The following GPI variants were observed in gnomAD, a reference collection of about 807,000 sequenced individuals.
The protein encoded by GPI is D-hexose-6-phosphate anomerase.
A neutral mutation model predicts 75.8 loss-of-function variants in GPI; 56 were observed. That is an observed-to-expected ratio of 0.74 (90% CI 0.60 to 0.92). GPI has a LOEUF of 0.92. Among genes scored for constraint, GPI ranks in the 40% least tolerant of loss-of-function variants. The pLI, the probability that GPI is intolerant of heterozygous loss-of-function variation, is 0.00. For missense variants in GPI, 638 were observed against 741.0 expected (o/e 0.86, Z 1.61); for synonymous variants, 288 against 285.4 (o/e 1.01, Z -0.09).
At chr19:34,368,030 C>T (rs1327541241) in intron 3 of GPI, among the ~76,000 whole-genome samples, 1 of 152,230 alleles carries the variant, frequency 6.6e-6, no homozygotes, top group Non-Finnish European at 1.5e-5. Flanking sequence ...AGGCGATTCT[C>T]TGCCTCAGAT....
intron 9 of GPI, among the ~76,000 whole-genome samples, chr19:34,390,679 C>T (rs1180331771): frequency 1.3e-5 from 2 of 150,414 alleles, no homozygotes; most frequent in Admixed American, 1.3e-4. Context: ...TCTGGGTCTT[C>T]CTGTGTCTGA....
In GPI at chr19:34,368,661, G is replaced by T; in HGVS notation, c.361G>T (p.Glu121Ter). 1 of 1,614,228 alleles carries T rather than the reference G, an allele frequency of 6.2e-7. No individual in the cohort carries two copies. Among genetic ancestry groups the T allele is most frequent in the South Asian group, 1.1e-5 (1 of 91,076 alleles). Residue 121 changes from glutamate (E) to a stop codon, truncating the protein, a stop_gained, in exon 4 of 18, where the codon GAG becomes TAG. Coordinates refer to ENST00000356487, the MANE Select transcript of GPI (RefSeq NM_000175.5). LOFTEE classifies it high-confidence loss of function. ...GGTAGACGGCAAGGATGTGATGCCA[G>T]AGGTCAACAAGGTTCTGGACAAGAT... ...ILVDGKDVMP[E>*]VNKVLDKMKS... is the part of the protein sequence containing the mutation.
rs542330021 is a variant in GPI, at chr19:34,388,425, A to C, written c.805-4823A>C. 2.0e-5 allele frequency among the ~76,000 whole-genome samples: 3 copies of C among 152,102 alleles called. No homozygotes were observed. In the East Asian group the frequency reaches 5.8e-4, roughly 29 times the overall value. Reference sequence around the variant, plus strand: ...GGCAGGCAGAGGTTGCAGTGAGCTGAGATCATGCCACTACACTCAGGCCTG... The same window carrying C: ...GGCAGGCAGAGGTTGCAGTGAGCTGCGATCATGCCACTACACTCAGGCCTG... On this transcript the variant is annotated intron_variant, in intron 9 of 17. Coordinates refer to ENST00000356487, the MANE Select transcript of GPI (RefSeq NM_000175.5).
At chr19:34,366,875 T>A (rs2145319495) in intron 3 of GPI, 24 bp downstream of exon 3, 1 of 1,518,978 alleles carries the variant, frequency 6.6e-7, no homozygotes. Context: ...ACATACCCTC[T>A]GGGGCCTCCT....
At chr19:34,380,454 G>T (rs1311033277) in intron 8 of GPI, among the ~76,000 whole-genome samples, 1 of 151,904 alleles carries the variant, frequency 6.6e-6, no homozygotes, top group Non-Finnish European at 1.5e-5. Flanking sequence ...GGTAATTTTT[G>T]TATTTTTGGT....
upstream of GPI, among the ~76,000 whole-genome samples, chr19:34,364,247 T>C (rs1013023013): frequency 4.6e-5 from 7 of 152,086 alleles, no homozygotes; most frequent in African/African-American, 1.7e-4. Flanking sequence ...CAGGCTCGGC[T>C]TGAACTCCTG....
intron 8 of GPI, chr19:34,379,985 GTTTTGTTTTTTTTTTTTT>G (rs1390185316): frequency 1.6e-5 from 2 of 127,944 alleles, no homozygotes; most frequent in South Asian, 1.8e-4. Context: ...AGTGTGTGTG[GTTTTGTTTTTTTTTTTTT>G]TTTTTTTTTT....
intron 4 of GPI, among the ~76,000 whole-genome samples, chr19:34,374,308 C>T (rs140298579): frequency 1.9e-3 from 285 of 152,074 alleles, no homozygotes; most frequent in South Asian, 6.0e-3. Flanking sequence ...TATAATACCC[C>T]GTTGGTGTTA....
intron 4 of GPI, among the ~76,000 whole-genome samples, chr19:34,374,130 CTTTTTTTTTTTTT>C (rs749828679): frequency 8.8e-6 from 1 of 114,132 alleles, no homozygotes; most frequent in Non-Finnish European, 1.7e-5. Context: ...CCATGCCCGC[CTTTTTTTTTTTTT>C]TTTTTTTTTT....
At chr19:34,396,278 C>G (rs2074942962) in intron 12 of GPI, 23 bp from the exon 13 acceptor site, 3 of 1,613,918 alleles carry the variant, frequency 1.9e-6, no homozygotes, top group Non-Finnish European at 2.5e-6. Flanking sequence ...TTGCCAAGAA[C>G]TGGGTTTCTG....
rs1180543728 is a variant in GPI at position 34,393,563 on chromosome 19, C to G, written c.866-165C>G. The G allele has an allele frequency of 1.4e-6, 1 of 740,654 alleles. No individual in the cohort carries two copies. Among genetic ancestry groups the G allele is most frequent in the African/African-American group, 1.7e-5 (1 of 58,034 alleles). 45.9% of individuals were successfully genotyped at this position (740,654 alleles called of 1,614,324 possible). A position where few individuals can be genotyped will look rare whatever the true frequency, so the allele number is the denominator to read the frequency against. ...TCCTAGGCAGAGTCAGATCCCTGCA[C>G]TCAGGGCCACCTCTCACTGGAGGGG... On this transcript the variant is annotated intron_variant, in intron 10 of 17. Transcript: ENST00000356487. This position sits in a 1 kb window ranked among gnomAD's most constrained non-coding sequence, Gnocchi z 4.4.
At position 34,400,686 on chromosome 19, in the gene GPI, A is replaced by G; in HGVS notation, c.*650A>G. The G allele has an allele frequency of 2.5e-6, 1 of 403,614 alleles. No homozygotes were observed. The highest frequency in any genetic ancestry group is 4.4e-6 in the Non-Finnish European group (1 of 229,088). The allele number at this position is 403,614 out of a possible 1,614,324, so 25.0% of individuals were successfully genotyped here. A position where few individuals can be genotyped will look rare whatever the true frequency, so the allele number is the denominator to read the frequency against. On this transcript the variant is annotated 3_prime_UTR_variant, in exon 18 of 18. Transcript: ENST00000356487. ...CGAGGATGACTGCCATCTCCTGGCAAGACGCTCAGGTAGTTCTTTTGCTTT... is the reference window on the plus strand; with the variant it reads ...CGAGGATGACTGCCATCTCCTGGCAGGACGCTCAGGTAGTTCTTTTGCTTT...
intron 9 of GPI, among the ~76,000 whole-genome samples, chr19:34,387,815 T>C (rs2145396845): frequency 6.6e-6 from 1 of 152,154 alleles, no homozygotes; most frequent in South Asian, 2.1e-4. Context: ...CTGCTGGGCT[T>C]GTTAGGTGAA....
At chr19:34,392,707 A>C (rs1048207525) in intron 9 of GPI, 1 of 72,330 alleles carries the variant, frequency 1.4e-5, no homozygotes, top group Non-Finnish European at 2.5e-5. Context: ...AGCTGTGTGC[A>C]GGTATGAGGC....
chr19:34,385,776 C>T (rs2074726183), intron 9 of GPI, among the ~76,000 whole-genome samples: 1 of 151,892 alleles, frequency 6.6e-6, no homozygotes, highest in Admixed American at 6.6e-5. Context: ...GGTGCTGGTC[C>T]ACCAGGCACA....
intron 1 of GPI, 54 bp downstream of exon 1, chr19:34,365,442 C>T (rs756625136): frequency 6.7e-7 from 1 of 1,501,630 alleles, no homozygotes; most frequent in East Asian, 2.6e-5. Flanking sequence ...GAACCGGGCA[C>T]GCGGGCCTGG....
chr19:34,360,279 G>A (rs903610601), upstream of GPI, among the ~76,000 whole-genome samples: 2 of 152,118 alleles, frequency 1.3e-5, no homozygotes, highest in African/African-American at 4.8e-5. Context: ...TGTACTGATG[G>A]TGATAGACAA....
chr19:34,377,624 G>A (rs780110277), intron 5 of GPI, 38 bp downstream of exon 5: 1 of 1,583,968 alleles, frequency 6.3e-7, no homozygotes, highest in Non-Finnish European at 8.7e-7. Context: ...GTGGGAGTCT[G>A]GGCACTGTTG....
At chr19:34,371,254 T>G (rs1568328828) in intron 4 of GPI, among the ~76,000 whole-genome samples, 1 of 152,240 alleles carries the variant, frequency 6.6e-6, no homozygotes, top group Non-Finnish European at 1.5e-5. Flanking sequence ...GTGAGGAACA[T>G]TCCCCATGGC....
Sources: gnomAD v4.1 joint callset for allele counts (sites outside exome capture counted in the v4.1 genomes callset) on GRCh38, gnomAD v4.1.1 for gene constraint, Gnocchi (gnomAD v3.1) non-coding constraint, MANE v1.5 for transcripts, NCBI Gene and HGNC (gene_info 2026-07-23, HGNC 2026-07-21) for gene names.